Variants in EVI5 observed in about 807,000 individuals in gnomAD.
EVI5 encodes ecotropic viral integration site 5 protein homolog.
In EVI5, 73 loss-of-function variants were observed where a neutral mutation model predicts 112.0. The ratio of observed to expected loss-of-function variants is 0.65; its 90% confidence interval spans 0.54 to 0.79. The LOEUF (loss-of-function observed/expected upper bound fraction) is 0.79, where lower values mean the gene tolerates loss of function less well. Ranked by LOEUF, EVI5 falls within the 30% of genes least tolerant of loss-of-function variation. The probability of loss-of-function intolerance (pLI) is 0.00; values close to 1 mark genes in which losing one functional copy is unlikely to be tolerated. For missense variants in EVI5, 900 were observed against 968.8 expected (o/e 0.93, Z 0.94); for synonymous variants, 305 against 319.9 (o/e 0.95, Z 0.50).
chr1:92,606,224 G>C (rs1650345623), intron 17 of EVI5, among the ~76,000 whole-genome samples: 1 of 152,088 alleles, frequency 6.6e-6, no homozygotes. Flanking sequence ...CAAGTTCAAA[G>C]AAAATTATTA....
intron 19 of EVI5, among the ~76,000 whole-genome samples, chr1:92,556,151 C>T (rs1190746548): frequency 2.0e-5 from 3 of 151,332 alleles, no homozygotes; most frequent in African/African-American, 7.3e-5. Flanking sequence ...GCAACCTCCG[C>T]CTCCTGGGTT....
intron 2 of EVI5, among the ~76,000 whole-genome samples, chr1:92,727,187 T>C (rs1169608018): frequency 6.6e-6 from 1 of 152,138 alleles, no homozygotes; most frequent in Non-Finnish European, 1.5e-5. Context: ...ATATTAGTGG[T>C]TACCAGGGGC....
chr1:92,546,402 A>G (rs769041441), intron 19 of EVI5, among the ~76,000 whole-genome samples: 18 of 152,156 alleles, frequency 1.2e-4, no homozygotes, highest in Admixed American at 2.6e-4. Context: ...TAAACTTACC[A>G]AATGAAAAAA....
At chr1:92,694,731 T>C (rs1670038259) in intron 7 of EVI5, among the ~76,000 whole-genome samples, 1 of 152,220 alleles carries the variant, frequency 6.6e-6, no homozygotes, top group South Asian at 2.1e-4. Context: ...GCTGACCAAC[T>C]GTGATCTGAA....
Position 92,708,176 on chromosome 1 carries a change from G to T in EVI5, c.150-3432C>A, listed in dbSNP as rs567434356. Among the ~76,000 whole-genome samples the T allele has an allele frequency of 3.3e-5, 5 of 151,758 alleles. No homozygotes were observed. In the South Asian group the frequency reaches 1.0e-3, roughly 32 times the overall value. On this transcript the variant is annotated intron_variant, in intron 2 of 19. Coordinates refer to ENST00000684568, the MANE Select transcript of EVI5 (RefSeq NM_001350197.2). The stretch of plus-strand genomic sequence containing the variant: ...AATTCATCAAAATTAAAAACATTTT[G>T]TACTTTATTGGCTACCACCAAGAAA...
chr1:92,636,496 T>C (rs1278700581), intron 13 of EVI5, among the ~76,000 whole-genome samples, 160 bp from the exon 14 acceptor site: 1 of 152,252 alleles, frequency 6.6e-6, no homozygotes, highest in East Asian at 1.9e-4. Flanking sequence ...TCCAATTAAC[T>C]TCTCCAATGA....
intron 13 of EVI5, among the ~76,000 whole-genome samples, chr1:92,640,648 T>C (rs1017003602): frequency 5.9e-5 from 9 of 152,150 alleles, no homozygotes; most frequent in Non-Finnish European, 1.0e-4. Context: ...GCTTTTATAG[T>C]GTTCATGGTA....
chr1:92,721,133 T>C (rs527597226), intron 2 of EVI5, among the ~76,000 whole-genome samples: 29 of 152,336 alleles, frequency 1.9e-4, no homozygotes, highest in African/African-American at 6.7e-4. Flanking sequence ...TCCTCAAGCA[T>C]CTAGAACTAG....
At chr1:92,719,411 T>C (rs896498119) in intron 2 of EVI5, among the ~76,000 whole-genome samples, 6 of 151,928 alleles carry the variant, frequency 3.9e-5, no homozygotes, top group African/African-American at 1.5e-4. Flanking sequence ...TCAATAAACG[T>C]AATCCATCAC....
intron 1 of EVI5, among the ~76,000 whole-genome samples, chr1:92,765,213 TC>T (rs1346472449): frequency 7.7e-6 from 1 of 130,610 alleles, no homozygotes; most frequent in Non-Finnish European, 1.6e-5. Flanking sequence ...TTTTTTTCCT[TC>T]CTTTTTTTTT....
intron 19 of EVI5, among the ~76,000 whole-genome samples, chr1:92,519,299 C>T (rs923148839): frequency 6.6e-6 from 1 of 152,096 alleles, no homozygotes; most frequent in Non-Finnish European, 1.5e-5. Context: ...TACAAGAGAC[C>T]TAGAGGCATC....
At position 92,605,638 on chromosome 1, in the gene EVI5, T is replaced by C. The variant is rs755542530; in HGVS notation, c.1975-236A>G. 3.7e-4 allele frequency among the ~76,000 whole-genome samples: 56 copies of C among 152,332 alleles called. 1 individual carries two copies. The highest frequency in any genetic ancestry group is 1.3e-4 in the Admixed American group (2 of 15,296). On this transcript the variant is annotated intron_variant, in intron 17 of 19. Coordinates refer to ENST00000684568, the MANE Select transcript of EVI5 (RefSeq NM_001350197.2). ...GCCATATATCAATTCAAATTAAGTT[T>C]TGCCTCCAAAGGAATTTGTGTGAAA...
intron 5 of EVI5, among the ~76,000 whole-genome samples, chr1:92,699,285 C>T (rs931149892): frequency 3.9e-5 from 6 of 152,320 alleles, no homozygotes; most frequent in African/African-American, 1.4e-4. Context: ...CCAGGACTCT[C>T]ATCCTAAATG....
At chr1:92,721,172 A>G (rs1239191710) in intron 2 of EVI5, among the ~76,000 whole-genome samples, 1 of 152,246 alleles carries the variant, frequency 6.6e-6, no homozygotes, top group Non-Finnish European at 1.5e-5. Flanking sequence ...TGATCCCATT[A>G]CTGGGTATAT....
intron 19 of EVI5, among the ~76,000 whole-genome samples, chr1:92,559,175 G>A (rs528656226): frequency 6.6e-6 from 1 of 151,996 alleles, no homozygotes; most frequent in African/African-American, 2.4e-5. Context: ...TATTGTTTAG[G>A]GAATAATGAT....
chr1:92,535,644 A>C (rs1167979985), intron 19 of EVI5, among the ~76,000 whole-genome samples: 1 of 152,196 alleles, frequency 6.6e-6, no homozygotes, highest in African/African-American at 2.4e-5. Context: ...CATTATCAGC[A>C]AACTAACAGA....
intron 2 of EVI5, among the ~76,000 whole-genome samples, chr1:92,709,156 A>G (rs538534903): frequency 1.9e-3 from 294 of 152,304 alleles, no homozygotes; most frequent in African/African-American, 7.0e-3. Context: ...CAGGTAGAAG[A>G]GAAGTTTTGA....
At chr1:92,518,469 C>CA (rs1172765096) in intron 19 of EVI5, among the ~76,000 whole-genome samples, 2 of 151,996 alleles carry the variant, frequency 1.3e-5, no homozygotes, top group Non-Finnish European at 2.9e-5. Context: ...GGATTCCCCC[C>CA]AAAAGGATCT....
chr1:92,582,962 T>C (rs1013985491), intron 18 of EVI5, among the ~76,000 whole-genome samples: 5 of 152,168 alleles, frequency 3.3e-5, no homozygotes, highest in Non-Finnish European at 7.3e-5. Context: ...TTTAAGTACA[T>C]ATGCATGTAA....
Sources: gnomAD v4.1 joint callset for allele counts (sites outside exome capture counted in the v4.1 genomes callset) on GRCh38, gnomAD v4.1.1 for gene constraint, MANE v1.5 for transcripts, NCBI Gene and HGNC (gene_info 2026-07-23, HGNC 2026-07-21) for gene names.